NRXN1: variants seen among roughly 807,000 people sequenced by gnomAD.
NRXN1 encodes the protein neurexin-1.
In NRXN1, 39 loss-of-function variants were observed where a neutral mutation model predicts 150.9. The ratio of observed to expected loss-of-function variants is 0.26; its 90% CI spans 0.20 to 0.34. NRXN1 has a LOEUF of 0.34. NRXN1 is among the 10% of genes least tolerant of loss of function. The pLI is 1.00. For synonymous variants in NRXN1, 924 were observed against 757.0 expected, an observed-to-expected ratio of 1.22 and a Z score of -3.62; for missense variants, 1,815 against 1,949.9, an observed-to-expected ratio of 0.93 and a Z score of 1.30.
intron 17 of NRXN1, among the ~76,000 whole-genome samples, chr2:50,405,094 A>G (rs2082667247): frequency 6.6e-6 from 1 of 152,118 alleles, no homozygotes; most frequent in African/African-American, 2.4e-5. Flanking sequence ...TGTGTGTGAT[A>G]TTGTCTATCT....
In NRXN1 at chr2:50,582,478, CAAA is replaced by C. The variant is rs56941425; in HGVS notation, c.1321-29456_1321-29454del. ...CCTGGGTAAGAGTGAGACTCGTCTC[CAAA>C]AAAAAAAAAAAAAAAAAAAAAAATT... On this transcript the variant is annotated intron_variant, in intron 8 of 22. Transcript: ENST00000401669. 8.0e-3 allele frequency among the ~76,000 whole-genome samples: 354 copies of C among 44,156 alleles called. 1 individual carries two copies. Among genetic ancestry groups the C allele is most frequent in the African/African-American group, 0.038 (336 of 8,942 alleles). The allele number at this position is 44,156 out of a possible 152,430, so 29.0% of individuals were successfully genotyped here.
At position 50,497,726 on chromosome 2, in the gene NRXN1, G is replaced by A; in HGVS notation, c.2498-12C>T. 6.3e-7 allele frequency: 1 copy of A among 1,576,848 alleles called. No homozygotes were observed. The highest frequency in any genetic ancestry group is 8.6e-7 in the Non-Finnish European group (1 of 1,160,290). ...ACCTGCCATTTGACCTAAAAGAGAA[G>A]ATAATATATGATTATTTTCTGTATC... On this transcript the variant is annotated splice_polypyrimidine_tract_variant and intron_variant, in intron 13 of 22. Transcript: ENST00000401669.
intron 20 of NRXN1, among the ~76,000 whole-genome samples, chr2:50,053,969 C>T (rs13021036): frequency 0.015 from 2,208 of 152,150 alleles, 24 homozygotes; most frequent in Non-Finnish European, 0.021. Flanking sequence ...TCTGAAATTA[C>T]CACTGACAGA....
At chr2:50,915,282 C>A (rs1442235108) in intron 5 of NRXN1, among the ~76,000 whole-genome samples, 4 of 151,594 alleles carry the variant, frequency 2.6e-5, no homozygotes. Context: ...GCAGTCTCAA[C>A]TATATATCAT....
intron 18 of NRXN1, among the ~76,000 whole-genome samples, chr2:50,205,293 T>C (rs1224083145): frequency 6.6e-6 from 1 of 152,088 alleles, no homozygotes; most frequent in East Asian, 1.9e-4. Context: ...AACATGAGTG[T>C]AAGTGCTATA....
intron 8 of NRXN1, among the ~76,000 whole-genome samples, chr2:50,579,912 G>A (rs968384926): frequency 6.6e-6 from 1 of 152,052 alleles, no homozygotes; most frequent in African/African-American, 2.4e-5. Flanking sequence ...ATCATGAAAG[G>A]GTTATATTTT....
intron 5 of NRXN1, among the ~76,000 whole-genome samples, chr2:50,722,446 C>G (rs1483130931): frequency 6.6e-6 from 1 of 152,122 alleles, no homozygotes. Flanking sequence ...TGGAATACCA[C>G]ATAGCCATTA....
chr2:50,510,708 G>A (rs571226717), intron 12 of NRXN1, among the ~76,000 whole-genome samples: 3 of 152,072 alleles, frequency 2.0e-5, no homozygotes, highest in South Asian at 2.1e-4. Flanking sequence ...AGTGTTGAGC[G>A]AATTATTAAG....
chr2:50,380,934 A>G (rs1266802249), intron 17 of NRXN1, among the ~76,000 whole-genome samples: 1 of 152,156 alleles, frequency 6.6e-6, no homozygotes, highest in African/African-American at 2.4e-5. Flanking sequence ...AGCCAGAATC[A>G]ATCATTCTCT....
At chr2:50,949,579 C>A (rs1315463431) in intron 2 of NRXN1, among the ~76,000 whole-genome samples, 1 of 152,046 alleles carries the variant, frequency 6.6e-6, no homozygotes, top group Non-Finnish European at 1.5e-5. Context: ...CTAGTGCAAT[C>A]CAGACATCCT....
chr2:50,731,680 G>A (rs114045089), intron 5 of NRXN1, among the ~76,000 whole-genome samples: 298 of 152,292 alleles, frequency 2.0e-3, no homozygotes, highest in Middle Eastern at 3.4e-3. Flanking sequence ...CAGACTAAGA[G>A]TGAAACCTGG....
At chr2:50,226,954 C>A (rs956317613) in intron 18 of NRXN1, among the ~76,000 whole-genome samples, 1 of 151,930 alleles carries the variant, frequency 6.6e-6, no homozygotes, top group Non-Finnish European at 1.5e-5. Context: ...TGCTCACTTG[C>A]TAAATTCTAG....
intron 5 of NRXN1, among the ~76,000 whole-genome samples, chr2:50,900,617 T>C (rs1682781605): frequency 6.6e-6 from 1 of 152,054 alleles, no homozygotes; most frequent in Admixed American, 6.6e-5. Flanking sequence ...AGAGTGAGGA[T>C]TAAAAGTAAA....
chr2:50,105,051 A>G (rs567114107), intron 18 of NRXN1, among the ~76,000 whole-genome samples: 1 of 152,090 alleles, frequency 6.6e-6, no homozygotes, highest in Admixed American at 6.6e-5. Context: ...GTTACATTCA[A>G]TCCAGGTCTA....
chr2:50,020,347 A>G (rs78419363), intron 21 of NRXN1, among the ~76,000 whole-genome samples: 4,872 of 152,282 alleles, frequency 0.032, 251 homozygotes, highest in African/African-American at 0.11. Context: ...CAATTTCTGT[A>G]GTTTCATTTT....
intron 18 of NRXN1, among the ~76,000 whole-genome samples, chr2:50,112,888 T>G (rs1006119766): frequency 2.0e-5 from 3 of 152,128 alleles, no homozygotes; most frequent in African/African-American, 7.2e-5. Context: ...TATAAAATGA[T>G]CATCAAAAGA....
At chr2:50,886,046 A>G (rs574645097) in intron 5 of NRXN1, among the ~76,000 whole-genome samples, 1 of 151,528 alleles carries the variant, frequency 6.6e-6, no homozygotes, top group East Asian at 1.9e-4. Context: ...TGGTTTAACT[A>G]ATACAGAGAT....
At chr2:50,944,820 T>G (rs1191899148) in intron 2 of NRXN1, among the ~76,000 whole-genome samples, 1 of 152,206 alleles carries the variant, frequency 6.6e-6, no homozygotes, top group Non-Finnish European at 1.5e-5. Flanking sequence ...ACCCTGTGCT[T>G]GAAGGATGCA....
At position 50,038,365 on chromosome 2, in the gene NRXN1, TTC is replaced by T. The variant is rs1012325918; in HGVS notation, c.4128+14904_4128+14905del. Among the ~76,000 whole-genome samples the T allele has an allele frequency of 3.3e-5, 5 of 151,108 alleles. No individual in the cohort carries two copies. The East Asian group carries it at 7.8e-4, about 23-fold the overall frequency. On this transcript the variant is annotated intron_variant, in intron 21 of 22. Coordinates refer to ENST00000401669, the MANE Select transcript of NRXN1 (RefSeq NM_001330078.2). ...AAGCCTGTGGCTCCTATCCTGGGCT[TTC>T]TCTCTCTCTCTCTCATCTGTCCTGG...
Sources: gnomAD v4.1 joint callset for allele counts (sites outside exome capture counted in the v4.1 genomes callset) on GRCh38, gnomAD v4.1.1 for gene constraint, MANE v1.5 for transcripts, NCBI Gene and HGNC (gene_info 2026-07-23, HGNC 2026-07-21) for gene names.